The following PLCB1 variants were observed in gnomAD, a reference collection of about 807,000 sequenced individuals.
PLCB1 encodes phospholipase C beta 1, also known as 1-phosphatidylinositol 4,5-bisphosphate phosphodiesterase beta-1.
PLCB1 carries 46 observed loss-of-function variants against 161.8 expected under a neutral mutation model. That is an observed-to-expected ratio of 0.28 (90% CI 0.22 to 0.36). The LOEUF (loss-of-function observed/expected upper bound fraction) is 0.36, where lower values mean the gene tolerates loss of function less well. Ranked by LOEUF, PLCB1 falls within the 10% of genes least tolerant of loss-of-function variation. The pLI, the probability that PLCB1 is intolerant of heterozygous loss-of-function variation, is 1.00. For missense variants in PLCB1, 1,016 were observed against 1,472.5 expected (o/e 0.69, Z 5.07); for synonymous variants, 517 against 503.7 (o/e 1.03, Z -0.35).
chr20:8,737,795 C>G (rs1340410519), intron 20 of PLCB1, among the ~76,000 whole-genome samples: 2 of 152,162 alleles, frequency 1.3e-5, no homozygotes, highest in South Asian at 4.1e-4. Context: ...GCCAAAATAT[C>G]TACAAATCCA....
intron 23 of PLCB1, among the ~76,000 whole-genome samples, chr20:8,749,955 AT>A (rs375424025): frequency 5.2e-5 from 1 of 19,068 alleles, no homozygotes; most frequent in African/African-American, 7.5e-5. Context: ...TTCATTCAAT[AT>A]TTTTTTTTTA....
rs530570920 is a variant in PLCB1 at position 8,752,725 on chromosome 20, G to T, written c.2524-4321G>T. 1.0e-3 allele frequency among the ~76,000 whole-genome samples: 155 copies of T among 151,814 alleles called. 5 individuals carry two copies. The highest frequency in any genetic ancestry group is 0.01 in the Admixed American group (153 of 15,254). On this transcript the variant is annotated intron_variant, in intron 23 of 31. Transcript: ENST00000338037. ...GGAGAATCGCTTGAACCCAGGAGGT[G>T]GAGGTTGCAATGAGCCAAAATTGCA...
chr20:8,493,757 G>A (rs111333022), intron 3 of PLCB1, among the ~76,000 whole-genome samples: 10 of 69,726 alleles, frequency 1.4e-4, no homozygotes, highest in African/African-American at 3.8e-4. Context: ...CTTGGTGTAC[G>A]AGAGTCTGCA....
chr20:8,748,609 A>T (rs1346771461), intron 23 of PLCB1, among the ~76,000 whole-genome samples: 1 of 152,192 alleles, frequency 6.6e-6, no homozygotes, highest in African/African-American at 2.4e-5. Flanking sequence ...CCAATTAATG[A>T]TGAAGTTTTT....
intron 31 of PLCB1, among the ~76,000 whole-genome samples, chr20:8,826,222 G>A (rs576681403): frequency 2.0e-5 from 3 of 152,250 alleles, no homozygotes; most frequent in Admixed American, 1.3e-4. Flanking sequence ...CTCACCAGGC[G>A]CAGCAGCTCA....
At chr20:8,818,239 T>A (rs1985169184) in intron 31 of PLCB1, among the ~76,000 whole-genome samples, 1 of 152,214 alleles carries the variant, frequency 6.6e-6, no homozygotes, top group African/African-American at 2.4e-5. Flanking sequence ...ATAAGTATCA[T>A]ATTTAAGTTC....
In PLCB1 at chr20:8,788,158, G is replaced by GT. The variant is rs574509729; in HGVS notation, c.3112-290dup. Among the ~76,000 whole-genome samples, 12 of 152,304 alleles carry GT rather than the reference G, an allele frequency of 7.9e-5. No homozygotes were observed. The South Asian group carries it at 2.5e-3, about 32-fold the overall frequency. ...AGAGATTGGAACCAGGTTCTACACT[G>GT]TAAGTTGTCTTTGCACTGAGCTGGG... is the stretch of plus-strand genomic sequence containing the variant. On this transcript the variant is annotated intron_variant, in intron 27 of 31. Coordinates refer to ENST00000338037, the MANE Select transcript of PLCB1 (RefSeq NM_015192.4).
At position 8,881,716 on chromosome 20, in the gene PLCB1, T is replaced by A; in HGVS notation, c.3518T>A (p.Ile1173Asn). ...GTGCAGGAAGCCATGAAAGGAAAGA[T>A]CAGTGAAGACAGCAATCACGGTTCT... Reference protein sequence around the residue: ...EFVQEAMKGKISEDSNHGSAP... With the variant: ...EFVQEAMKGKNSEDSNHGSAP... The change falls in exon 32 of 32, where the codon ATC becomes AAC. Residue 1173 changes from isoleucine to asparagine, a missense_variant. Ile to Asn is a moderately radical substitution (Grantham distance 149). Transcript: ENST00000338037. 1 of 1,613,952 alleles carries A rather than the reference T, an allele frequency of 6.2e-7. No homozygotes were observed. The highest frequency in any genetic ancestry group is 2.2e-5 in the East Asian group (1 of 44,854).
intron 2 of PLCB1, among the ~76,000 whole-genome samples, chr20:8,230,056 C>CAAA (rs547874616): frequency 3.4e-4 from 20 of 58,876 alleles, no homozygotes; most frequent in Admixed American, 8.9e-4. Flanking sequence ...GACTTGGCAG[C>CAAA]AAAAAAAAAA....
intron 2 of PLCB1, among the ~76,000 whole-genome samples, chr20:8,179,330 C>T (rs746019331): frequency 9.9e-5 from 15 of 152,130 alleles, no homozygotes; most frequent in Non-Finnish European, 1.6e-4. Flanking sequence ...TTGTAATTCT[C>T]ACCATAGAGA....
At chr20:8,695,678 G>A (rs977526497) in intron 10 of PLCB1, among the ~76,000 whole-genome samples, 2 of 152,046 alleles carry the variant, frequency 1.3e-5, no homozygotes, top group Non-Finnish European at 2.9e-5. Flanking sequence ...CTCTAGCCTC[G>A]GTGACAGAGT....
chr20:8,381,403 TTTG>T (rs955743466), intron 3 of PLCB1, among the ~76,000 whole-genome samples: 2 of 152,180 alleles, frequency 1.3e-5, no homozygotes, highest in African/African-American at 2.4e-5. Context: ...TGAAGTTTTT[TTTG>T]TTGTTGTTGT....
At chr20:8,742,470 C>T (rs1568581204) in intron 23 of PLCB1, among the ~76,000 whole-genome samples, 1 of 151,994 alleles carries the variant, frequency 6.6e-6, no homozygotes, top group East Asian at 1.9e-4. Flanking sequence ...AAAGCATCCT[C>T]GATTTATTAT....
chr20:8,550,476 A>G (rs1323381068), intron 3 of PLCB1, among the ~76,000 whole-genome samples: 2 of 151,996 alleles, frequency 1.3e-5, no homozygotes, highest in Non-Finnish European at 1.5e-5. Flanking sequence ...CTCGGCTCTC[A>G]TTCTCTCTTC....
At chr20:8,687,725 T>C (rs6039231) in intron 10 of PLCB1, among the ~76,000 whole-genome samples, 99,965 of 152,066 alleles carry the variant, frequency 0.66, 33,951 homozygotes, top group South Asian at 0.78. Flanking sequence ...TTTCTATATC[T>C]ACTCATTGAC....
intron 4 of PLCB1, among the ~76,000 whole-genome samples, chr20:8,636,511 T>C (rs1252649661): frequency 6.6e-6 from 1 of 152,214 alleles, no homozygotes; most frequent in African/African-American, 2.4e-5. Flanking sequence ...ATCTGGAACA[T>C]TTGTTTAAAA....
chr20:8,537,711 G>A (rs1050493658), intron 3 of PLCB1, among the ~76,000 whole-genome samples: 1 of 152,098 alleles, frequency 6.6e-6, no homozygotes, highest in African/African-American at 2.4e-5. Context: ...CAGTTAGAAT[G>A]CTCTAAAATG....
intron 31 of PLCB1, among the ~76,000 whole-genome samples, chr20:8,812,898 G>A (rs568199322): frequency 1.7e-4 from 26 of 152,332 alleles, no homozygotes; most frequent in East Asian, 1.9e-4. Context: ...TTCCTGTCAT[G>A]GGAAGTGTGG....
chr20:8,787,343 T>C (rs1442975950), intron 27 of PLCB1, among the ~76,000 whole-genome samples: 1 of 152,242 alleles, frequency 6.6e-6, no homozygotes, highest in Non-Finnish European at 1.5e-5. Context: ...TTCCTCCCAG[T>C]GAGCAGGCCC....
Sources: allele counts gnomAD v4.1 joint callset (sites outside exome capture counted in the v4.1 genomes callset), GRCh38; gene constraint gnomAD v4.1.1; transcripts MANE v1.5; gene names NCBI Gene and HGNC (gene_info 2026-07-23, HGNC 2026-07-21).